CHD1L: variants seen among roughly 807,000 people sequenced by gnomAD.
CHD1L encodes the protein chromodomain helicase DNA binding protein 1 like.
In CHD1L, 118 loss-of-function variants were observed where a neutral mutation model predicts 115.9. The ratio of observed to expected loss-of-function variants is 1.02; its 90% CI spans 0.88 to 1.19. The LOEUF (loss-of-function observed/expected upper bound fraction) is 1.19. Ranked by LOEUF, CHD1L falls within the 50% of genes most tolerant of loss-of-function variation. CHD1L has a pLI of 0.00. For synonymous variants in CHD1L, 411 were observed against 387.1 expected, an observed-to-expected ratio of 1.06 and a Z score of -0.72; for missense variants, 1,179 against 1,065.3, an observed-to-expected ratio of 1.11 and a Z score of -1.49.
At chr1:147,233,798 C>T in the CHD1L span, among the ~76,000 whole-genome samples, 4 of 151,830 alleles carry the variant, frequency 2.6e-5, no homozygotes, top group African/African-American at 9.7e-5. Context: ...ACCTTACCCC[C>T]AACCCTGTGC....
the CHD1L span, chr1:147,225,302 G>T: frequency 1.6e-6 from 1 of 633,516 alleles, no homozygotes; most frequent in South Asian, 2.3e-5. Context: ...TTCCTGAAGC[G>T]CTCAACAGAT....
At chr1:147,181,834 A>G in the CHD1L span, among the ~76,000 whole-genome samples, 1 of 152,178 alleles carries the variant, frequency 6.6e-6, no homozygotes, top group African/African-American at 2.4e-5. Flanking sequence ...GGGCTGGGAA[A>G]TGAAGACAGC....
chr1:147,235,745 C>T, the CHD1L span, among the ~76,000 whole-genome samples: 1 of 152,066 alleles, frequency 6.6e-6, no homozygotes, highest in African/African-American at 2.4e-5. Context: ...TTTTACATTG[C>T]CTAAAAATAT....
At chr1:147,219,301 T>C in the CHD1L span, among the ~76,000 whole-genome samples, 5 of 152,208 alleles carry the variant, frequency 3.3e-5, no homozygotes, top group African/African-American at 1.2e-4. Context: ...GTTAGACATG[T>C]CTCTTTTGAG....
chr1:147,179,436 G>A, the CHD1L span: 1 of 1,593,858 alleles, frequency 6.3e-7, no homozygotes, highest in Non-Finnish European at 8.6e-7. Flanking sequence ...CCAATGATGT[G>A]CCTTCTCCAT....
the CHD1L span, chr1:147,212,530 C>T: frequency 3.1e-6 from 5 of 1,611,414 alleles, no homozygotes; most frequent in African/African-American, 5.3e-5. Flanking sequence ...TTGAACTTCT[C>T]AATTCCTGCA....
At chr1:147,228,192 AT>A in the CHD1L span, among the ~76,000 whole-genome samples, 1 of 135,380 alleles carries the variant, frequency 7.4e-6, no homozygotes, top group Non-Finnish European at 1.6e-5. Context: ...CCAGTGTGTC[AT>A]GTTCCCCTTC....
At chr1:147,261,471 C>G (rs10900331) in intron 6 of CHD1L, among the ~76,000 whole-genome samples, 16,746 of 151,730 alleles carry the variant, frequency 0.11, 1,616 homozygotes, top group African/African-American at 0.26. Flanking sequence ...CTAACCACCT[C>G]TTAAAGGCGC....
chr1:147,208,037 G>T, the CHD1L span, among the ~76,000 whole-genome samples: 2 of 152,134 alleles, frequency 1.3e-5, no homozygotes, highest in Non-Finnish European at 2.9e-5. Context: ...CCTCCTCACT[G>T]TGAAACAAAA....
At chr1:147,202,167 C>CT in the CHD1L span, among the ~76,000 whole-genome samples, 1 of 151,718 alleles carries the variant, frequency 6.6e-6, no homozygotes, top group South Asian at 2.1e-4. Flanking sequence ...ATACTTCGGG[C>CT]TTGTTATTGT....
At chr1:147,186,781 G>A in the CHD1L span, 11,280 of 1,482,872 alleles carry the variant, frequency 7.6e-3, 57 homozygotes, top group South Asian at 8.7e-3. Context: ...TAATGCTTTC[G>A]AAAGAGACAT....
At chr1:147,186,923 CAAAG>C in the CHD1L span, 1 of 1,613,724 alleles carries the variant, frequency 6.2e-7, no homozygotes, top group East Asian at 2.2e-5. Context: ...ATAATTATAG[CAAAG>C]AAGGCAAGAG....
chr1:147,285,746 T>A (rs146756220), intron 17 of CHD1L, among the ~76,000 whole-genome samples: 2 of 152,334 alleles, frequency 1.3e-5, no homozygotes, highest in East Asian at 3.9e-4. Flanking sequence ...TTACCCAGGC[T>A]GGAGTACAGT....
chr1:147,275,219 G>A, intron 12 of CHD1L, 135 bp from the exon 13 acceptor site: 1 of 691,998 alleles, frequency 1.4e-6, no homozygotes, highest in Non-Finnish European at 2.6e-6. Context: ...TTAGGGGTGT[G>A]GGTCCATTTG....
chr1:147,273,459 T>TA (rs1553954958), intron 12 of CHD1L, among the ~76,000 whole-genome samples: 1 of 152,036 alleles, frequency 6.6e-6, no homozygotes, highest in South Asian at 2.1e-4. Flanking sequence ...GTGTTTGTTT[T>TA]ATCTCCCTAA....
At position 147,287,638 on chromosome 1, in the gene CHD1L, A is replaced by T; in HGVS notation, c.2225A>T (p.Asp742Val). Residue 742 changes from aspartate (D) to valine (V), a missense_variant, in exon 19 of 23, where the codon GAC becomes GTC. By Grantham distance (152) the Asp-to-Val change is radical. Coordinates refer to ENST00000369258, the MANE Select transcript of CHD1L (RefSeq NM_004284.6). ...EDALIVHCVDDSGHWGRGGLF... is the reference protein window; with the variant it reads ...EDALIVHCVDVSGHWGRGGLF... ...AATTTTCTCTTTCTTCAAACAGATG[A>T]CTCTGGCCACTGGGGCAGAGGTGGT... is the stretch of plus-strand genomic sequence containing the variant. 3.1e-6 allele frequency: 5 copies of T among 1,613,198 alleles called. No homozygotes were observed. Among genetic ancestry groups the T allele is most frequent in the Non-Finnish European group, 4.2e-6 (5 of 1,179,536 alleles).
At chr1:147,237,432 G>C in the CHD1L span, among the ~76,000 whole-genome samples, 1 of 152,134 alleles carries the variant, frequency 6.6e-6, no homozygotes, top group African/African-American at 2.4e-5. Flanking sequence ...GTGCCTGAGA[G>C]GGTAGGGCTC....
rs116456210 is a variant in CHD1L, at chr1:147,283,724, A to G, written c.1706-627A>G. ...ATCTCTCCACCCTTCTAGAGACCCAATTATATACTGAAAAGAGCACACTGG... is the reference window on the plus strand; with the variant it reads ...ATCTCTCCACCCTTCTAGAGACCCAGTTATATACTGAAAAGAGCACACTGG... On this transcript the variant is annotated intron_variant, in intron 15 of 22. Transcript: ENST00000369258. Among the ~76,000 whole-genome samples the G allele has an allele frequency of 5.9e-3, 897 of 152,254 alleles. 4 individuals are homozygous for G. The highest frequency in any genetic ancestry group is 9.3e-3 in the Non-Finnish European group (634 of 68,006).
intron 9 of CHD1L, among the ~76,000 whole-genome samples, chr1:147,268,129 C>T (rs1483697773): frequency 3.3e-5 from 5 of 152,230 alleles, no homozygotes; most frequent in Non-Finnish European, 5.9e-5. Flanking sequence ...TGCTCCTTCT[C>T]AGTCTCCTTT....
Sources: gnomAD v4.1 joint callset for allele counts (sites outside exome capture counted in the v4.1 genomes callset) on GRCh38, gnomAD v4.1.1 for gene constraint, MANE v1.5 for transcripts, NCBI Gene and HGNC (gene_info 2026-07-23, HGNC 2026-07-21) for gene names.